ARHGEF18: variants seen among roughly 807,000 people sequenced by gnomAD.
The protein encoded by ARHGEF18 is Rho/Rac guanine nucleotide exchange factor 18.
ARHGEF18 carries 93 observed loss-of-function variants against 155.7 expected under a neutral mutation model. The ratio of observed to expected loss-of-function variants is 0.60; its 90% CI spans 0.50 to 0.71. The LOEUF (loss-of-function observed/expected upper bound fraction) is 0.71, where lower values mean the gene tolerates loss of function less well. Ranked by LOEUF, ARHGEF18 falls within the 30% of genes least tolerant of loss-of-function variation. The pLI is 0.00. For synonymous variants in ARHGEF18, 742 were observed against 753.1 expected, an observed-to-expected ratio of 0.99 and a Z score of 0.24; for missense variants, 1,593 against 1,816.1, an observed-to-expected ratio of 0.88 and a Z score of 2.23.
intron 15 of ARHGEF18, among the ~76,000 whole-genome samples, chr19:7,450,583 G>C (rs1396779431): frequency 0.12 from 10 of 84 alleles, no homozygotes; most frequent in African/African-American, 0.12. Flanking sequence ...TGTCGATCTT[G>C]CTTTCTGTTT....
At chr19:7,396,275 C>T (rs531530648) in intron 10 of ARHGEF18, among the ~76,000 whole-genome samples, 2 of 152,236 alleles carry the variant, frequency 1.3e-5, no homozygotes, top group East Asian at 1.9e-4. Flanking sequence ...CTTGTTTTCG[C>T]GGAGATGAAG....
intron 10 of ARHGEF18, among the ~76,000 whole-genome samples, chr19:7,397,498 CG>C (rs374998227): frequency 0.087 from 13,049 of 149,248 alleles, 946 homozygotes; most frequent in African/African-American, 0.2. Flanking sequence ...TTGGGAGGCC[CG>C]GGGGGGGGCA....
At chr19:7,449,309 C>T (rs141257895) in intron 15 of ARHGEF18, among the ~76,000 whole-genome samples, 4 of 151,946 alleles carry the variant, frequency 2.6e-5, no homozygotes, top group African/African-American at 7.2e-5. Context: ...TGGTGGCTCA[C>T]GCTTGGAATC....
intron 10 of ARHGEF18, among the ~76,000 whole-genome samples, chr19:7,387,824 C>A (rs528426335): frequency 3.9e-4 from 60 of 152,086 alleles, no homozygotes; most frequent in African/African-American, 1.3e-3. Context: ...TACCTGCCAC[C>A]ATGCCTGGCT....
the ARHGEF18 span, among the ~76,000 whole-genome samples, chr19:7,478,892 G>T: frequency 6.6e-6 from 1 of 152,296 alleles, no homozygotes; most frequent in African/African-American, 2.4e-5. Flanking sequence ...CCCAGGGCTG[G>T]CATCTGCAGG....
In ARHGEF18 at chr19:7,471,764, G is replaced by C. The variant is rs1433714443; in HGVS notation, c.*1466G>C. On this transcript the variant is annotated 3_prime_UTR_variant, in exon 29 of 29. Coordinates refer to ENST00000668164, the MANE Select transcript of ARHGEF18 (RefSeq NM_001367823.1). The surrounding 1 kb of genome is among the most constrained non-coding windows in gnomAD (Gnocchi z 4.4). ...CCCACTGGGTGCTGTGGGCTCAGGA[G>C]GGGGCGGGGCAGGAGCTGGTGCCAA... The C allele has an allele frequency of 2.0e-5, 3 of 152,280 alleles. No individual in the cohort carries two copies. The highest frequency in any genetic ancestry group is 2.0e-4 in the Admixed American group (3 of 15,290). 9.4% of individuals were successfully genotyped at this position (152,280 alleles called of 1,614,324 possible). A position where few individuals can be genotyped will look rare whatever the true frequency, so the allele number is the denominator to read the frequency against.
rs147780515 is a variant in ARHGEF18 at position 7,398,968 on chromosome 19, G to C, written c.967+15765G>C. On this transcript the variant is annotated intron_variant, in intron 10 of 28. Coordinates refer to ENST00000668164, the MANE Select transcript of ARHGEF18 (RefSeq NM_001367823.1). ...TAACATAGCTCAGATCGTGTGTCAA[G>C]ATCTCCCTCATTCTCACTCATCCTG... Among the ~76,000 whole-genome samples the C allele has an allele frequency of 3.0e-3, 454 of 152,304 alleles. 2 individuals are homozygous for C. Among genetic ancestry groups the C allele is most frequent in the African/African-American group, 0.011 (437 of 41,576 alleles).
At chr19:7,452,319 C>T (rs905159736) in intron 16 of ARHGEF18, among the ~76,000 whole-genome samples, 2 of 152,200 alleles carry the variant, frequency 1.3e-5, no homozygotes, top group Admixed American at 6.5e-5. Context: ...CAGCCAGGGC[C>T]GTGCTGACCA....
At chr19:7,458,297 T>TAAAAAA (rs35712455) in intron 18 of ARHGEF18, among the ~76,000 whole-genome samples, 5 of 92,346 alleles carry the variant, frequency 5.4e-5, no homozygotes, top group African/African-American at 2.3e-4. Context: ...CAAGATAGTT[T>TAAAAAA]AAAAAAAAAA....
intron 7 of ARHGEF18, among the ~76,000 whole-genome samples, chr19:7,380,073 G>T (rs1443228948): frequency 2.6e-5 from 4 of 151,604 alleles, no homozygotes; most frequent in Non-Finnish European, 5.9e-5. Context: ...GGGGGTGTGG[G>T]GGTGTTGACG....
At chr19:7,468,778 G>A (rs1056621839) in intron 26 of ARHGEF18, 47 bp from the exon 27 acceptor site, 9 of 1,480,108 alleles carry the variant, frequency 6.1e-6, no homozygotes, top group Middle Eastern at 2.1e-4. Context: ...TCCAGAGGCC[G>A]CACAGCAGGA....
chr19:7,478,893 C>T, the ARHGEF18 span, among the ~76,000 whole-genome samples: 1 of 152,204 alleles, frequency 6.6e-6, no homozygotes. Flanking sequence ...CCAGGGCTGG[C>T]ATCTGCAGGC....
intron 13 of ARHGEF18, 76 bp downstream of exon 13, chr19:7,442,128 TC>T: frequency 1.9e-5 from 1 of 52,300 alleles, no homozygotes; most frequent in South Asian, 4.0e-4. Context: ...CTCCCTCCCT[TC>T]CTTCCTTCCT....
At chr19:7,431,636 C>T (rs570283221) in intron 10 of ARHGEF18, among the ~76,000 whole-genome samples, 3 of 151,266 alleles carry the variant, frequency 2.0e-5, no homozygotes, top group Non-Finnish European at 4.4e-5. Context: ...ACCAACATGG[C>T]GAAACCCCGT....
In ARHGEF18 at chr19:7,372,766, C is replaced by T. The variant is rs989002190; in HGVS notation, c.16-46C>T. On this transcript the variant is annotated intron_variant, in intron 2 of 28. Coordinates refer to ENST00000668164, the MANE Select transcript of ARHGEF18 (RefSeq NM_001367823.1). Reference sequence around the variant, plus strand: ...TCAAGAGACCCCAGGTTCTGCTGCCCCTTGGTCAATGTCTTCTTCTCCCTC... The same window carrying T: ...TCAAGAGACCCCAGGTTCTGCTGCCTCTTGGTCAATGTCTTCTTCTCCCTC... The T allele has an allele frequency of 2.4e-6, 3 of 1,234,042 alleles. No individual in the cohort carries two copies. In the African/African-American group the frequency reaches 4.7e-5, roughly 19 times the overall value. 76.4% of individuals were successfully genotyped at this position (1,234,042 alleles called of 1,614,324 possible).
intron 18 of ARHGEF18, among the ~76,000 whole-genome samples, chr19:7,457,845 G>A (rs923438046): frequency 5.9e-5 from 9 of 152,078 alleles, no homozygotes; most frequent in Non-Finnish European, 1.2e-4. Context: ...TAGAAATACC[G>A]GTGGCTCTGG....
rs186580214 is a variant in ARHGEF18 at position 7,464,705 on chromosome 19, A to G, written c.2904+15A>G. 1.0e-4 allele frequency: 161 copies of G among 1,613,768 alleles called. No individual in the cohort carries two copies. The highest frequency in any genetic ancestry group is 1.3e-4 in the Non-Finnish European group (155 of 1,179,930). ...CGCCGCAGGTGGTACGTGGATATCC[A>G]TTTGCTCGGTACAGTCTGAGTCGTC... On this transcript the variant is annotated intron_variant, in intron 23 of 28. Transcript: ENST00000668164.
intron 14 of ARHGEF18, among the ~76,000 whole-genome samples, chr19:7,445,343 G>C (rs1174540865): frequency 1.3e-5 from 2 of 152,166 alleles, no homozygotes; most frequent in African/African-American, 4.8e-5. Flanking sequence ...AGCTACTCAG[G>C]AGGCTGAGGT....
chr19:7,430,552 G>A (rs959970763), intron 10 of ARHGEF18, among the ~76,000 whole-genome samples: 1 of 152,080 alleles, frequency 6.6e-6, no homozygotes, highest in African/African-American at 2.4e-5. Context: ...GCCTGTAATC[G>A]CAGCACTTTG....
Sources: allele counts gnomAD v4.1 joint callset (sites outside exome capture counted in the v4.1 genomes callset), GRCh38; gene constraint gnomAD v4.1.1; non-coding constraint Gnocchi (gnomAD v3.1); transcripts MANE v1.5; gene names NCBI Gene and HGNC (gene_info 2026-07-23, HGNC 2026-07-21).